FAM193A: variants seen among roughly 807,000 people sequenced by gnomAD.
FAM193A encodes protein FAM193A.
FAM193A carries 22 observed loss-of-function variants against 126.5 expected under a neutral mutation model. That is an observed-to-expected ratio of 0.17 (90% CI 0.12 to 0.25). The LOEUF (loss-of-function observed/expected upper bound fraction) is 0.25, where lower values mean the gene tolerates loss of function less well. FAM193A is among the 10% of genes least tolerant of loss of function. The pLI is 1.00. For synonymous variants in FAM193A, 761 were observed against 646.8 expected (o/e 1.18, Z -2.68); for missense variants, 1,675 against 1,672.8 (o/e 1.00, Z -0.02).
chr4:2,650,265 G>A (rs559423124), intron 7 of FAM193A, among the ~76,000 whole-genome samples: 1 of 152,308 alleles, frequency 6.6e-6, no homozygotes. Context: ...ATCGGTCCCT[G>A]GTCCTAAAAA....
chr4:2,616,089 C>T (rs1577078109), intron 2 of FAM193A, among the ~76,000 whole-genome samples: 1 of 152,348 alleles, frequency 6.6e-6, no homozygotes, highest in South Asian at 2.1e-4. Flanking sequence ...CTTGAGCCAC[C>T]GCGCCCGGCC....
chr4:2,729,545 C>G (rs557337381), intron 20 of FAM193A, among the ~76,000 whole-genome samples: 2 of 152,342 alleles, frequency 1.3e-5, no homozygotes, highest in East Asian at 1.9e-4. Flanking sequence ...CACTCCTGTT[C>G]TAAAACTTGC....
intron 12 of FAM193A, among the ~76,000 whole-genome samples, chr4:2,666,151 G>C (rs79072606): frequency 3.9e-5 from 6 of 152,136 alleles, no homozygotes; most frequent in Admixed American, 3.9e-4. Context: ...CCTTTATTGG[G>C]TTAAGGAAAT....
chr4:2,639,041 G>T (rs1413128175), intron 5 of FAM193A, among the ~76,000 whole-genome samples: 1 of 152,176 alleles, frequency 6.6e-6, no homozygotes, highest in Non-Finnish European at 1.5e-5. Context: ...ATTCACACAC[G>T]CATGGTTGTA....
chr4:2,729,277 C>T (rs1212153445), intron 20 of FAM193A, among the ~76,000 whole-genome samples: 1 of 152,108 alleles, frequency 6.6e-6, no homozygotes, highest in Non-Finnish European at 1.5e-5. Context: ...GGAAGATCGC[C>T]TCAGGTGAGC....
At chr4:2,619,033 G>A (rs1230252562) in intron 2 of FAM193A, among the ~76,000 whole-genome samples, 1 of 152,130 alleles carries the variant, frequency 6.6e-6, no homozygotes, top group Non-Finnish European at 1.5e-5. Context: ...CGTCTGGGCT[G>A]GATTATTTTT....
intron 1 of FAM193A, among the ~76,000 whole-genome samples, chr4:2,585,149 G>A (rs531548162): frequency 6.6e-6 from 1 of 152,208 alleles, no homozygotes; most frequent in East Asian, 1.9e-4. Flanking sequence ...TCATTCTACA[G>A]TTTATGGGTT....
intron 4 of FAM193A, among the ~76,000 whole-genome samples, chr4:2,628,180 C>T (rs182500362): frequency 7.7e-4 from 117 of 152,262 alleles, no homozygotes; most frequent in African/African-American, 2.6e-3. Context: ...CACCGCGCCC[C>T]GCCGGGAGTT....
intron 1 of FAM193A, among the ~76,000 whole-genome samples, chr4:2,568,973 CTTTTTTTTTTT>C (rs753557878): frequency 1.7e-4 from 15 of 90,722 alleles, no homozygotes; most frequent in African/African-American, 4.6e-5. Flanking sequence ...TGTTGTTTTG[CTTTTTTTTTTT>C]TTTTTTTTTT....
intron 20 of FAM193A, among the ~76,000 whole-genome samples, chr4:2,721,952 TAAG>T (rs756471727): frequency 5.9e-5 from 9 of 152,202 alleles, no homozygotes; most frequent in East Asian, 1.9e-4. Flanking sequence ...TTGAGTGAAA[TAAG>T]AAGCTGTAAG....
chr4:2,554,341 C>T (rs374990056), intron 1 of FAM193A, among the ~76,000 whole-genome samples: 9 of 152,224 alleles, frequency 5.9e-5, no homozygotes, highest in African/African-American at 2.2e-4. Context: ...GCTCAGCCTC[C>T]CAAAGTGCTG....
intron 12 of FAM193A, among the ~76,000 whole-genome samples, chr4:2,663,705 G>A (rs767645712): frequency 3.3e-5 from 5 of 152,160 alleles, no homozygotes; most frequent in Non-Finnish European, 7.4e-5. Context: ...AGTGGCTCAC[G>A]CCTGTAATCC....
intron 1 of FAM193A, among the ~76,000 whole-genome samples, chr4:2,588,381 T>G (rs559281889): frequency 6.6e-6 from 1 of 152,272 alleles, no homozygotes; most frequent in Admixed American, 6.5e-5. Context: ...TTTATCAACA[T>G]TGTATTATGG....
At chr4:2,637,634 A>G (rs1029160882) in intron 5 of FAM193A, among the ~76,000 whole-genome samples, 6 of 152,202 alleles carry the variant, frequency 3.9e-5, no homozygotes, top group Non-Finnish European at 8.8e-5. Context: ...TTCTGCCTCT[A>G]GCTCAGCAGT....
chr4:2,548,828 T>A (rs1175448148), intron 1 of FAM193A, among the ~76,000 whole-genome samples: 3 of 152,144 alleles, frequency 2.0e-5, no homozygotes, highest in African/African-American at 7.2e-5. Context: ...CTTTTGTGGA[T>A]CATGGTTTTG....
chr4:2,598,763 T>A (rs1741017608), intron 2 of FAM193A, among the ~76,000 whole-genome samples: 2 of 152,246 alleles, frequency 1.3e-5, no homozygotes, highest in Admixed American at 1.3e-4. Flanking sequence ...GTCAGTGCAT[T>A]TGGCCTCAGC....
chr4:2,639,638 G>T, intron 5 of FAM193A, 97 bp from the exon 6 acceptor site: 2 of 906,960 alleles, frequency 2.2e-6, no homozygotes, highest in Admixed American at 2.4e-5. Context: ...TGCGTGGTGG[G>T]GGGAAATGGG....
At chr4:2,547,103 G>A (rs1436050835) in intron 1 of FAM193A, among the ~76,000 whole-genome samples, 1 of 152,102 alleles carries the variant, frequency 6.6e-6, no homozygotes, top group Admixed American at 6.6e-5. Flanking sequence ...AACCCTTTTT[G>A]TGGGCTGGGC....
rs74617971 is a variant in FAM193A at position 2,646,536 on chromosome 4, C to T, written c.1164-149C>T. The T allele has an allele frequency of 1.1e-5, 8 of 757,110 alleles. No homozygotes were observed. In the African/African-American group the frequency reaches 1.1e-4, roughly 10 times the overall value. 46.9% of individuals were successfully genotyped at this position (757,110 alleles called of 1,614,324 possible). ...ATGGGGATCTGTTGATCCCTCACAG[C>T]TCCCTGCTGTGGTGCAGAGTGGCAC... On this transcript the variant is annotated intron_variant, in intron 6 of 20. Transcript: ENST00000637812.
Sources: gnomAD v4.1 joint callset for allele counts (sites outside exome capture counted in the v4.1 genomes callset) on GRCh38, gnomAD v4.1.1 for gene constraint, MANE v1.5 for transcripts, NCBI Gene and HGNC (gene_info 2026-07-23, HGNC 2026-07-21) for gene names.